Variants in CRY1 observed in about 807,000 individuals in gnomAD.
CRY1 encodes the protein cryptochrome circadian regulator 1.
Under a neutral mutation model 76.0 loss-of-function variants are expected in CRY1, and 45 were observed. The ratio of observed to expected loss-of-function variants is 0.59; its 90% CI spans 0.47 to 0.76. The LOEUF is 0.76. CRY1 is among the 30% of genes least tolerant of loss of function. The pLI is 0.00. For missense variants in CRY1, 587 were observed against 716.4 expected, an observed-to-expected ratio of 0.82 and a Z score of 2.06; for synonymous variants, 248 against 244.0, an observed-to-expected ratio of 1.02 and a Z score of -0.15.
intron 1 of CRY1, among the ~76,000 whole-genome samples, chr12:107,050,568 G>GT (rs1235681273): frequency 2.6e-5 from 4 of 152,094 alleles, no homozygotes; most frequent in African/African-American, 7.2e-5. Flanking sequence ...TGCCACAATT[G>GT]TAAGTTTCCT....
rs549495480 is a variant in CRY1, at chr12:107,000,510, C to T, written c.685-428G>A. 4.9e-4 allele frequency among the ~76,000 whole-genome samples: 75 copies of T among 152,058 alleles called. No individual in the cohort carries two copies. The South Asian group carries it at 7.3e-3, about 15-fold the overall frequency. The stretch of plus-strand genomic sequence containing the variant: ...GACTACAGGCATGCGCCACCACGCC[C>T]GGCTAATTTTTGTATTTTTAGTAGG... On this transcript the variant is annotated intron_variant, in intron 5 of 12. Transcript: ENST00000008527.
chr12:107,062,301 T>C (rs922264097), intron 1 of CRY1, among the ~76,000 whole-genome samples: 3 of 152,096 alleles, frequency 2.0e-5, no homozygotes, highest in African/African-American at 7.2e-5. Flanking sequence ...GATGAAACAA[T>C]TTTCACTTGA....
At chr12:107,039,130 A>C (rs1208519086) in intron 1 of CRY1, among the ~76,000 whole-genome samples, 1 of 152,276 alleles carries the variant, frequency 6.6e-6, no homozygotes, top group South Asian at 2.1e-4. Context: ...CACCTCAAAA[A>C]AAATAAAATA....
chr12:107,022,877 GT>G (rs768664656), intron 1 of CRY1, among the ~76,000 whole-genome samples: 101 of 151,544 alleles, frequency 6.7e-4, no homozygotes, highest in Non-Finnish European at 1.8e-4. Context: ...GTTTCATGGA[GT>G]TGGGGTGGAG....
intron 1 of CRY1, among the ~76,000 whole-genome samples, chr12:107,026,802 C>T (rs1430156651): frequency 1.4e-5 from 2 of 148,140 alleles, no homozygotes; most frequent in Admixed American, 6.8e-5. Flanking sequence ...AAGAAAACAC[C>T]CCATGCATTT....
chr12:107,053,897 C>T (rs1308069553), intron 1 of CRY1, among the ~76,000 whole-genome samples: 1 of 152,182 alleles, frequency 6.6e-6, no homozygotes, highest in South Asian at 2.1e-4. Flanking sequence ...ACTATAACTA[C>T]ATCCCCAACA....
chr12:107,018,076 C>T (rs1225267237), intron 2 of CRY1, among the ~76,000 whole-genome samples: 2 of 152,212 alleles, frequency 1.3e-5, no homozygotes, highest in African/African-American at 4.8e-5. Context: ...ATATAGCAGG[C>T]ACTCAATCAG....
intron 10 of CRY1, among the ~76,000 whole-genome samples, chr12:106,993,703 T>C (rs1323289704): frequency 6.6e-6 from 1 of 152,148 alleles, no homozygotes; most frequent in Non-Finnish European, 1.5e-5. Flanking sequence ...GCACTTACTT[T>C]CGTTTTAATT....
intron 1 of CRY1, among the ~76,000 whole-genome samples, chr12:107,029,986 T>C (rs1325649536): frequency 3.3e-5 from 5 of 152,198 alleles, no homozygotes; most frequent in Admixed American, 3.3e-4. Flanking sequence ...TGGTAGGTAG[T>C]GACCCTGAAG....
At chr12:107,009,577 T>C (rs868228332) in intron 2 of CRY1, among the ~76,000 whole-genome samples, 1 of 30,666 alleles carries the variant, frequency 3.3e-5, no homozygotes, top group South Asian at 1.4e-3. Flanking sequence ...TATATATATA[T>C]ATATATATAT....
chr12:107,021,711 T>TACAC (rs1393757645), intron 2 of CRY1, among the ~76,000 whole-genome samples: 1 of 150,812 alleles, frequency 6.6e-6, no homozygotes, highest in Non-Finnish European at 1.5e-5. Context: ...CATATATATA[T>TACAC]ACACACACAC....
intron 1 of CRY1, among the ~76,000 whole-genome samples, chr12:107,047,667 T>A (rs1952866141): frequency 6.6e-6 from 1 of 152,330 alleles, no homozygotes; most frequent in African/African-American, 2.4e-5. Context: ...CCTTCTGCCA[T>A]GATTGTAAGG....
At chr12:107,005,337 A>T in intron 2 of CRY1, 89 bp from the exon 3 acceptor site, 1 of 1,339,488 alleles carries the variant, frequency 7.5e-7, no homozygotes. Flanking sequence ...GAAAATCTAC[A>T]TATCAAAGGA....
chr12:107,055,284 A>G (rs894547426), intron 1 of CRY1, among the ~76,000 whole-genome samples: 3 of 152,120 alleles, frequency 2.0e-5, no homozygotes, highest in Non-Finnish European at 4.4e-5. Context: ...ATTATAAGTA[A>G]CAAAGGATAT....
chr12:107,061,796 T>C (rs1455307358), intron 1 of CRY1, among the ~76,000 whole-genome samples: 1 of 152,106 alleles, frequency 6.6e-6, no homozygotes, highest in African/African-American at 2.4e-5. Flanking sequence ...ATTAATTTCT[T>C]TCTCTAAACA....
intron 4 of CRY1, 148 bp from the exon 5 acceptor site, chr12:107,001,516 G>T: frequency 1.4e-6 from 1 of 715,036 alleles, no homozygotes; most frequent in Admixed American, 3.0e-5. Flanking sequence ...CACCTATAGA[G>T]GATATGACAT....
Position 107,005,089 on chromosome 12 carries a change from A to T in CRY1, c.410+17T>A, listed in dbSNP as rs186208997. 5,658 of 1,587,352 alleles carry T rather than the reference A, an allele frequency of 3.6e-3. 19 individuals carry two copies. Among genetic ancestry groups the T allele is most frequent in the Non-Finnish European group, 4.4e-3 (5,155 of 1,171,816 alleles). ...TTATACGCATTTTCCCACAGTAAAA[A>T]AAAAAAAAGGACTCACTTGTCTAGG... On this transcript the variant is annotated intron_variant, in intron 3 of 12. Coordinates refer to ENST00000008527, the MANE Select transcript of CRY1 (RefSeq NM_004075.5).
intron 1 of CRY1, among the ~76,000 whole-genome samples, chr12:107,080,823 A>T (rs55972013): frequency 6.6e-6 from 1 of 152,024 alleles, no homozygotes; most frequent in Non-Finnish European, 1.5e-5. Flanking sequence ...CCACTATTAG[A>T]CATCTTGCTC....
chr12:107,012,710 A>C (rs10161167), intron 2 of CRY1, among the ~76,000 whole-genome samples: 6,266 of 152,272 alleles, frequency 0.041, 226 homozygotes, highest in African/African-American at 0.1. Flanking sequence ...AAATCTTTGG[A>C]AAGGATTCAC....
Sources: gnomAD v4.1 joint callset for allele counts (sites outside exome capture counted in the v4.1 genomes callset) on GRCh38, gnomAD v4.1.1 for gene constraint, MANE v1.5 for transcripts, NCBI Gene and HGNC (gene_info 2026-07-23, HGNC 2026-07-21) for gene names.